Variants in INF2 observed in about 807,000 individuals in gnomAD.
INF2 encodes inverted formin 2, also known as inverted formin-2.
In INF2, 43 loss-of-function variants were observed where a neutral mutation model predicts 123.5. That is an observed-to-expected ratio of 0.35 (90% CI 0.27 to 0.45). INF2 has a LOEUF of 0.45. Among genes scored for constraint, INF2 ranks in the 20% least tolerant of loss-of-function variants. INF2 has a pLI of 1.00. For synonymous variants in INF2, 851 were observed against 745.0 expected, an observed-to-expected ratio of 1.14 and a Z score of -2.32; for missense variants, 1,453 against 1,682.7, an observed-to-expected ratio of 0.86 and a Z score of 2.39.
intron 1 of INF2, among the ~76,000 whole-genome samples, chr14:104,682,124 AGGGGTTT>A (rs1888538859): frequency 1.3e-5 from 2 of 152,148 alleles, no homozygotes; most frequent in South Asian, 2.1e-4. Context: ...GGAGTCAGAT[AGGGGTTT>A]GGGGTTTGGG....
chr14:104,686,553 C>T (rs759271690), upstream of INF2, among the ~76,000 whole-genome samples: 25 of 152,050 alleles, frequency 1.6e-4, no homozygotes, highest in Non-Finnish European at 3.5e-4. Context: ...CATGGGTGAG[C>T]AGGCATGTTT....
At chr14:104,713,712 G>GGT in intron 20 of INF2, 106 bp downstream of exon 20, 1 of 1,297,768 alleles carries the variant, frequency 7.7e-7, no homozygotes, top group Non-Finnish European at 1.1e-6. Flanking sequence ...TCCTCTCCCT[G>GGT]GGCCACCCTG....
intron 2 of INF2, 105 bp downstream of exon 2, chr14:104,701,861 CGCAGCCAG>C: frequency 4.7e-6 from 6 of 1,277,348 alleles, no homozygotes; most frequent in Non-Finnish European, 6.3e-6. Context: ...CAGGAGGAAG[CGCAGCCAG>C]GCAGGCAAGG....
intron 11 of INF2, 38 bp downstream of exon 11, chr14:104,709,421 G>T (rs1362528744): frequency 6.6e-7 from 1 of 1,523,812 alleles, no homozygotes; most frequent in Non-Finnish European, 9.1e-7. Flanking sequence ...CCCAGTTAGT[G>T]CCACCAACCA....
At chr14:104,689,188 C>T (rs985509736), upstream of INF2, 3 of 984,846 alleles carry the variant, frequency 3.0e-6, no homozygotes, top group Non-Finnish European at 3.6e-6. Context: ...GATCCCCGAA[C>T]GCGGGGACTC....
chr14:104,712,570 G>T lies in INF2; in HGVS notation c.2610+17G>T, dbSNP rs770255555. 4 of 1,612,534 alleles carry T rather than the reference G, an allele frequency of 2.5e-6. No homozygotes were observed. Among genetic ancestry groups the T allele is most frequent in the Non-Finnish European group, 3.4e-6 (4 of 1,179,726 alleles). ...CGCCTCCAGGCAAGTGGGCACCTGG[G>T]CCTGGGGCTGGCGGGAGAGGCTGCC... On this transcript the variant is annotated intron_variant, in intron 17 of 22. Transcript: ENST00000392634.
Position 104,702,077 on chromosome 14 carries a change from C to T in INF2, c.391+321C>T, listed in dbSNP as rs11160817. 0.46 allele frequency among the ~76,000 whole-genome samples: 69,704 copies of T among 151,968 alleles called. 16,054 individuals carry two copies. Among genetic ancestry groups the T allele is most frequent in the African/African-American group, 0.5 (20,915 of 41,434 alleles). ...TCCCACCCTCTGGGCTCTCTGCCCT[C>T]GTCCACACCTCGGCGGCAGGAGTCA... On this transcript the variant is annotated intron_variant, in intron 2 of 22. Coordinates refer to ENST00000392634, the MANE Select transcript of INF2 (RefSeq NM_022489.4).
intron 1 of INF2, among the ~76,000 whole-genome samples, chr14:104,693,693 C>T (rs1182678604): frequency 6.6e-6 from 1 of 152,232 alleles, no homozygotes; most frequent in East Asian, 1.9e-4. Flanking sequence ...TTTGTTCGTG[C>T]CTGAGCTGTC....
Position 104,712,462 on chromosome 14 carries a change from C to T in INF2, c.2519C>T (p.Ala840Val), listed in dbSNP as rs758659283. The T allele has an allele frequency of 1.9e-6, 3 of 1,612,544 alleles. No individual in the cohort carries two copies. In the African/African-American group the frequency reaches 4.0e-5, roughly 22 times the overall value. The change falls in exon 17 of 23, where the codon GCC becomes GTC. Residue 840 changes from alanine to valine, a missense_variant. Physicochemically the swap from Ala to Val is moderately conservative, Grantham distance 64 (BLOSUM62 0). Coordinates refer to ENST00000392634, the MANE Select transcript of INF2 (RefSeq NM_022489.4). ...GINLEIIRSE[A>V]SSNLKKLLET... ...AACCTGGAGATCATCCGCTCAGAGG[C>T]CAGCTCCAACCTGAAGAAGCTTCTG...
chr14:104,718,923 C>T lies in INF2; in HGVS notation c.*130C>T. The T allele has an allele frequency of 1.3e-6, 2 of 1,499,284 alleles. No individual in the cohort carries two copies. Among genetic ancestry groups the T allele is most frequent in the Non-Finnish European group, 8.8e-7 (1 of 1,131,448 alleles). The allele number at this position is 1,499,284 out of a possible 1,614,324, so 92.9% of individuals were successfully genotyped here. A position where few individuals can be genotyped will look rare whatever the true frequency, so the allele number is the denominator to read the frequency against. The stretch of plus-strand genomic sequence containing the variant: ...CCGGAAACCAAAACTCCGTGCCTTA[C>T]CCAGCCGGGGCCCTCCTGGAGCCTT... On this transcript the variant is annotated 3_prime_UTR_variant, in exon 23 of 23. Transcript: ENST00000392634.
intron 22 of INF2, chr14:104,715,650 G>A (rs906342105): frequency 3.5e-5 from 20 of 575,070 alleles, no homozygotes; most frequent in East Asian, 6.3e-5. Flanking sequence ...AGCAGGATCC[G>A]GGCCCTGGGG....
chr14:104,718,535 C>T (rs538502296), intron 22 of INF2, among the ~76,000 whole-genome samples: 1 of 152,142 alleles, frequency 6.6e-6, no homozygotes, highest in South Asian at 2.1e-4. Flanking sequence ...GATTCCCTAT[C>T]TCAGCAGAGA....
At chr14:104,715,989 G>A (rs1259410606) in intron 22 of INF2, 1 of 455,726 alleles carries the variant, frequency 2.2e-6, no homozygotes, top group Admixed American at 2.4e-5. Flanking sequence ...GTCTTCTGGG[G>A]GGCGACCAGC....
chr14:104,712,942 A>G lies in INF2; in HGVS notation c.2725A>G (p.Thr909Ala). The change falls in exon 18 of 23, where the codon ACG (threonine) becomes GCG (alanine). Residue 909 changes from threonine to alanine, a missense_variant. Coordinates refer to ENST00000392634, the MANE Select transcript of INF2 (RefSeq NM_022489.4). ...CGCCCAGCAGCTGTCCCTGGAGGAC[A>G]CGTTCAGCACCATGAAGGCTTTCCG... is the stretch of plus-strand genomic sequence containing the variant. ...EDAQQLSLED[T>A]FSTMKAFRDL... is the part of the protein sequence containing the mutation. 6.2e-7 allele frequency: 1 copy of G among 1,612,698 alleles called. No individual in the cohort carries two copies. Among genetic ancestry groups the G allele is most frequent in the Non-Finnish European group, 8.5e-7 (1 of 1,179,820 alleles).
chr14:104,689,823 G>A (rs1888849278), intron 1 of INF2, 84 bp downstream of exon 1: 1 of 826,172 alleles, frequency 1.2e-6, no homozygotes, highest in African/African-American at 1.8e-5. Flanking sequence ...GGGTCCAGGA[G>A]CGAGGTTCCG....
intron 1 of INF2, among the ~76,000 whole-genome samples, chr14:104,683,499 G>A (rs1222437484): frequency 3.3e-5 from 5 of 152,012 alleles, no homozygotes; most frequent in African/African-American, 1.2e-4. Flanking sequence ...AGGGTAGAGG[G>A]GAGAGTGAAG....
intron 1 of INF2, among the ~76,000 whole-genome samples, chr14:104,698,081 C>T (rs1228982523): frequency 6.6e-6 from 1 of 152,250 alleles, no homozygotes; most frequent in African/African-American, 2.4e-5. Context: ...GAGGTGGCCA[C>T]GCCCTACAGC....
At position 104,714,655 on chromosome 14, in the gene INF2, G is replaced by A; in HGVS notation, c.3493G>A (p.Ala1165Thr). 5.6e-6 allele frequency: 9 copies of A among 1,612,444 alleles called. No homozygotes were observed. Among genetic ancestry groups the A allele is most frequent in the African/African-American group, 4.0e-5 (3 of 75,070 alleles). ...CCACAGCCGTGGTGCCAGACCCCCTGCAGCAGGCCCAGGTGGGGATGAGGA... is the reference window on the plus strand; with the variant it reads ...CCACAGCCGTGGTGCCAGACCCCCTACAGCAGGCCCAGGTGGGGATGAGGA... ...AVHSRGARPPAAGPGGDEDED... is the reference protein window; with the variant it reads ...AVHSRGARPPTAGPGGDEDED... The change falls in exon 21 of 23, where the codon GCA becomes ACA. Residue 1165 changes from alanine (A) to threonine (T), a missense_variant. By Grantham distance (58) the Ala-to-Thr change is moderately conservative (BLOSUM62 0). Around this residue, in one of 8 missense-constraint regions of INF2, gnomAD observed 344 missense variants for 333.1 expected, o/e 1.03. Transcript: ENST00000392634.
chr14:104,718,906 C>T lies in INF2; in HGVS notation c.*113C>T. The T allele has an allele frequency of 5.8e-6, 9 of 1,546,250 alleles. No homozygotes were observed. Among genetic ancestry groups the T allele is most frequent in the South Asian group, 1.2e-5 (1 of 81,346 alleles). On this transcript the variant is annotated 3_prime_UTR_variant, in exon 23 of 23. Coordinates refer to ENST00000392634, the MANE Select transcript of INF2 (RefSeq NM_022489.4). Reference sequence around the variant, plus strand: ...CAGGCTGGGACTGGGCCCCGGAAACCAAAACTCCGTGCCTTACCCAGCCGG... The same window carrying T: ...CAGGCTGGGACTGGGCCCCGGAAACTAAAACTCCGTGCCTTACCCAGCCGG...
Sources: gnomAD v4.1 joint callset for allele counts (sites outside exome capture counted in the v4.1 genomes callset) on GRCh38, gnomAD v4.1.1 for gene constraint, gnomAD v4.1.1 regional missense constraint, MANE v1.5 for transcripts, NCBI Gene and HGNC (gene_info 2026-07-23, HGNC 2026-07-21) for gene names.